The following HSD17B3 variants were observed in gnomAD, a reference collection of about 807,000 sequenced individuals.
HSD17B3 encodes the protein 17-beta-hydroxysteroid dehydrogenase type 3.
A neutral mutation model predicts 41.1 loss-of-function variants in HSD17B3; 29 were observed. The ratio of observed to expected loss-of-function variants is 0.71; its 90% CI spans 0.53 to 0.96. The LOEUF (loss-of-function observed/expected upper bound fraction) is 0.96, where lower values mean the gene tolerates loss of function less well. HSD17B3 is among the 40% of genes least tolerant of loss of function. The pLI is 0.00. For synonymous variants in HSD17B3, 126 were observed against 145.6 expected, an observed-to-expected ratio of 0.87 and a Z score of 0.97; for missense variants, 323 against 374.6, an observed-to-expected ratio of 0.86 and a Z score of 1.14.
In HSD17B3 at chr9:96,249,473, A is replaced by C. The variant is rs59314126; in HGVS notation, c.489+278T>G. Reference sequence around the variant, plus strand: ...TTTTTAGAATTGCCTTGGAATCCTGAATACGTTTCAGCATCATCGAGCTTA... The same window carrying C: ...TTTTTAGAATTGCCTTGGAATCCTGCATACGTTTCAGCATCATCGAGCTTA... On this transcript the variant is annotated intron_variant, in intron 6 of 10. Transcript: ENST00000375263. 1,854 of 457,372 alleles carry C rather than the reference A, an allele frequency of 4.1e-3. 31 individuals are homozygous for C. Among genetic ancestry groups the C allele is most frequent in the African/African-American group, 0.032 (1,671 of 51,648 alleles). The allele number at this position is 457,372 out of a possible 1,614,324, so 28.3% of individuals were successfully genotyped here.
At chr9:96,251,675 G>A (rs1364974177) in intron 4 of HSD17B3, among the ~76,000 whole-genome samples, 190 bp from the exon 5 acceptor site, 1 of 152,212 alleles carries the variant, frequency 6.6e-6, no homozygotes, top group Non-Finnish European at 1.5e-5. Context: ...GTTGTCATAT[G>A]TTGGAATGCA....
chr9:96,298,676 T>TGTTG (rs552741682), intron 1 of HSD17B3, among the ~76,000 whole-genome samples: 16 of 151,886 alleles, frequency 1.1e-4, no homozygotes, highest in African/African-American at 1.5e-4. Context: ...TTGGTTGGTT[T>TGTTG]GTTGGTTGGT....
chr9:96,240,000 C>A (rs1182288867), intron 10 of HSD17B3: 2 of 151,270 alleles, frequency 1.3e-5, no homozygotes, highest in Non-Finnish European at 2.9e-5. Flanking sequence ...CATGTTCTCA[C>A]TCATAAGTGG....
intron 2 of HSD17B3, among the ~76,000 whole-genome samples, chr9:96,269,328 G>C (rs1232198169): frequency 6.6e-6 from 1 of 152,204 alleles, no homozygotes; most frequent in African/African-American, 2.4e-5. Context: ...ATATTTAGTA[G>C]TGCTGACTAG....
intron 2 of HSD17B3, among the ~76,000 whole-genome samples, chr9:96,270,269 C>CACAGAG (rs1554698816): frequency 6.6e-6 from 1 of 150,768 alleles, no homozygotes; most frequent in African/African-American, 2.4e-5. Flanking sequence ...CACACACACA[C>CACAGAG]AGAGAGAGAG....
chr9:96,272,917 G>T (rs1826320221), intron 2 of HSD17B3, among the ~76,000 whole-genome samples: 2 of 152,094 alleles, frequency 1.3e-5, no homozygotes, highest in South Asian at 4.1e-4. Context: ...TGACGTTGGT[G>T]AATCTCCAGA....
intron 8 of HSD17B3, among the ~76,000 whole-genome samples, chr9:96,244,694 T>A (rs1051329733): frequency 1.3e-5 from 2 of 151,964 alleles, no homozygotes; most frequent in African/African-American, 4.8e-5. Flanking sequence ...TGTGAGGTCA[T>A]GGATATGTTA....
intron 3 of HSD17B3, among the ~76,000 whole-genome samples, chr9:96,253,374 C>A (rs965348483): frequency 3.9e-5 from 6 of 152,194 alleles, no homozygotes; most frequent in Non-Finnish European, 4.4e-5. Context: ...TCTGACACTG[C>A]CTCTGCTCAC....
chr9:96,300,140 A>G (rs1328492471), intron 1 of HSD17B3, among the ~76,000 whole-genome samples: 1 of 150,992 alleles, frequency 6.6e-6, no homozygotes, highest in Non-Finnish European at 1.5e-5. Flanking sequence ...ATTTAAATCC[A>G]GAACACTCAG....
chr9:96,295,051 G>C (rs1385336414), intron 2 of HSD17B3, among the ~76,000 whole-genome samples: 1 of 140,034 alleles, frequency 7.1e-6, no homozygotes, highest in Non-Finnish European at 1.5e-5. Context: ...TCTGTCGCCA[G>C]GCTGGTATGC....
chr9:96,238,691 G>A (rs1836319847), intron 10 of HSD17B3, among the ~76,000 whole-genome samples: 1 of 152,160 alleles, frequency 6.6e-6, no homozygotes, highest in African/African-American at 2.4e-5. Flanking sequence ...TTTCTTTCCT[G>A]GAGATAGTGG....
intron 2 of HSD17B3, among the ~76,000 whole-genome samples, chr9:96,295,832 C>T (rs765551007): frequency 6.6e-5 from 10 of 150,730 alleles, no homozygotes; most frequent in Admixed American, 2.0e-4. Context: ...TGTTTTGTGG[C>T]CCCCCCAAAA....
chr9:96,269,914 A>G (rs1826177889), intron 2 of HSD17B3, among the ~76,000 whole-genome samples: 1 of 151,406 alleles, frequency 6.6e-6, no homozygotes, highest in African/African-American at 2.4e-5. Context: ...AAAAAGAAAA[A>G]AAAAAAAAAA....
intron 2 of HSD17B3, among the ~76,000 whole-genome samples, chr9:96,294,250 CA>C (rs35463519): frequency 1.8e-4 from 25 of 140,758 alleles, no homozygotes; most frequent in Admixed American, 2.2e-4. Context: ...CTCATCTCTA[CA>C]AAAAAAAAAA....
In HSD17B3 at chr9:96,249,765, TG is replaced by T; in HGVS notation, c.474del (p.Thr159ProfsTer3). The T allele has an allele frequency of 6.2e-7, 1 of 1,613,944 alleles. No individual in the cohort carries two copies. Among genetic ancestry groups the T allele is most frequent in the Non-Finnish European group, 8.5e-7 (1 of 1,179,958 alleles). ...DEIQSLIHCNITSVVKMTQLI... is the reference protein window; with the variant it reads ...DEIQSLIHCNXTSVVKMTQLI... ...TGATCACATACCTTGACTACGGAGG[TG>T]ATGTTACAATGGATGAGGCTCTGTA... On this transcript the variant is annotated frameshift_variant, in exon 6 of 11. Coordinates refer to ENST00000375263, the MANE Select transcript of HSD17B3 (RefSeq NM_000197.2). LOFTEE classifies it high-confidence loss of function.
intron 1 of HSD17B3, among the ~76,000 whole-genome samples, chr9:96,301,357 T>C (rs1184142820): frequency 6.7e-6 from 1 of 149,640 alleles, no homozygotes; most frequent in Non-Finnish European, 1.5e-5. Context: ...GTCGGGTGAA[T>C]CACAAGGTCA....
At position 96,252,827 on chromosome 9, in the gene HSD17B3, C is replaced by T; in HGVS notation, c.361G>A (p.Ala121Thr). Reference sequence around the variant, plus strand: ...CCTAAAATTCCAATTTCTAAGCCTGCAAGTTTTTCTTTAATATGCTCGTAG... The same window carrying T: ...CCTAAAATTCCAATTTCTAAGCCTGTAAGTTTTTCTTTAATATGCTCGTAG... ...DIYEHIKEKL[A>T]GLEIGILVNN... The change falls in exon 4 of 11, where the codon GCA becomes ACA. Residue 121 changes from alanine to threonine, a missense_variant. Transcript: ENST00000375263. The T allele has an allele frequency of 3.7e-6, 6 of 1,610,900 alleles. No homozygotes were observed. Among genetic ancestry groups the T allele is most frequent in the Non-Finnish European group, 5.1e-6 (6 of 1,177,162 alleles).
chr9:96,254,989 C>G, intron 2 of HSD17B3, 46 bp from the exon 3 acceptor site: 1 of 1,526,482 alleles, frequency 6.6e-7, no homozygotes, highest in African/African-American at 1.4e-5. Flanking sequence ...GATGAGCAGA[C>G]AGGGAGGGCT....
At chr9:96,273,230 A>G (rs1414515340) in intron 2 of HSD17B3, among the ~76,000 whole-genome samples, 3 of 152,198 alleles carry the variant, frequency 2.0e-5, no homozygotes, top group African/African-American at 4.8e-5. Context: ...TTATCTCTCT[A>G]TAGTACTATG....
Sources: gnomAD v4.1 joint callset for allele counts (sites outside exome capture counted in the v4.1 genomes callset) on GRCh38, gnomAD v4.1.1 for gene constraint, MANE v1.5 for transcripts, NCBI Gene and HGNC (gene_info 2026-07-23, HGNC 2026-07-21) for gene names.